BMP3: variants seen among roughly 807,000 people sequenced by gnomAD.
The protein encoded by BMP3 is bone morphogenetic protein 3 (osteogenic).
Under a neutral mutation model 38.1 loss-of-function variants are expected in BMP3, and 23 were observed. The ratio of observed to expected loss-of-function variants is 0.60; its 90% CI spans 0.43 to 0.86. The LOEUF (loss-of-function observed/expected upper bound fraction) is 0.86, where lower values mean the gene tolerates loss of function less well. BMP3 is among the 40% of genes least tolerant of loss of function. The pLI is 0.00. For missense variants in BMP3, 628 were observed against 579.6 expected (o/e 1.08, Z -0.86); for synonymous variants, 258 against 225.7 (o/e 1.14, Z -1.28).
Position 81,045,851 on chromosome 4 carries a change from C to T in BMP3, c.430C>T (p.Leu144=). Residue 144 remains leucine, a synonymous_variant, in exon 2 of 3, where the codon CTG becomes TTG. Transcript: ENST00000282701. ...FCIGELGNIS[L]SCPVSGGCSH... Reference sequence around the variant, plus strand: ...TATTGGAGAGCTAGGAAACATCAGCCTGAGTTGTCCAGTGTCTGGAGGATG... The same window carrying T: ...TATTGGAGAGCTAGGAAACATCAGCTTGAGTTGTCCAGTGTCTGGAGGATG... 6.2e-7 allele frequency: 1 copy of T among 1,614,122 alleles called. No individual in the cohort carries two copies. The highest frequency in any genetic ancestry group is 8.5e-7 in the Non-Finnish European group (1 of 1,180,010).
intron 1 of BMP3, among the ~76,000 whole-genome samples, chr4:81,036,908 CT>C (rs1254058727): frequency 2.6e-5 from 4 of 151,972 alleles, no homozygotes; most frequent in Non-Finnish European, 1.5e-5. Flanking sequence ...ATGAATTCCT[CT>C]TTGTTTATCT....
Position 81,031,511 on chromosome 4 carries a change from C to G in BMP3, c.227C>G (p.Pro76Arg). 1 of 1,612,764 alleles carries G rather than the reference C, an allele frequency of 6.2e-7. No homozygotes were observed. The highest frequency in any genetic ancestry group is 8.5e-7 in the Non-Finnish European group (1 of 1,179,628). The change falls in exon 1 of 3, where the codon CCG (proline) becomes CGG (arginine). Residue 76 changes from proline (P) to arginine (R), a missense_variant. Coordinates refer to ENST00000282701, the MANE Select transcript of BMP3 (RefSeq NM_001201.5). ...AGCACGGTCCAGGCGGCCCGGACAC[C>G]GGGCTCCCTGGAGGGAGGCTCGCAG... ...RYSTVQAART[P>R]GSLEGGSQPW...
chr4:81,053,306 C>T, intron 2 of BMP3, 39 bp from the exon 3 acceptor site: 1 of 1,436,214 alleles, frequency 7.0e-7, no homozygotes, highest in Admixed American at 2.6e-5. Context: ...AACGCAGTTC[C>T]ACCTAACATA....
chr4:81,046,951 T>C (rs1297793554), intron 2 of BMP3, among the ~76,000 whole-genome samples: 1 of 152,216 alleles, frequency 6.6e-6, no homozygotes, highest in Non-Finnish European at 1.5e-5. Flanking sequence ...TTCAGCCACA[T>C]GGTTGTGTGT....
At position 81,053,386 on chromosome 4, in the gene BMP3, G is replaced by A; in HGVS notation, c.1269G>A (p.Val423=). The A allele has an allele frequency of 6.2e-7, 1 of 1,607,334 alleles. No individual in the cohort carries two copies. The highest frequency in any genetic ancestry group is 8.5e-7 in the Non-Finnish European group (1 of 1,177,586). Residue 423 remains valine, a synonymous_variant, in exon 3 of 3, where the codon GTG becomes GTA. Coordinates refer to ENST00000282701, the MANE Select transcript of BMP3 (RefSeq NM_001201.5). ...ATCATGCTACCATCCAGAGTATAGT[G>A]AGAGCTGTGGGGGTCGTTCCTGGGA... ...PSNHATIQSI[V]RAVGVVPGIP... is the part of the protein sequence containing the mutation.
rs184199186 is a variant in BMP3, at chr4:81,050,723, A to G, written c.1228-2622A>G. On this transcript the variant is annotated intron_variant, in intron 2 of 2. Transcript: ENST00000282701. ...TAAAAATGAACTCCAAAAACATTAA[A>G]TCTTGATGTGCTAAGTTACTTAAGC... Among the ~76,000 whole-genome samples the G allele has an allele frequency of 1.9e-3, 290 of 152,264 alleles. 1 individual carries two copies. Among genetic ancestry groups the G allele is most frequent in the African/African-American group, 6.6e-3 (274 of 41,576 alleles).
In BMP3 at chr4:81,046,092, A is replaced by C. The variant is rs1219083355; in HGVS notation, c.671A>C (p.Lys224Thr). Reference protein sequence around the residue: ...EFLIGFNITSKGRQLPKRRLP... With the variant: ...EFLIGFNITSTGRQLPKRRLP... Reference sequence around the variant, plus strand: ...CTCATAGGATTTAACATTACGTCCAAGGGACGCCAGCTGCCAAAGAGGAGG... The same window carrying C: ...CTCATAGGATTTAACATTACGTCCACGGGACGCCAGCTGCCAAAGAGGAGG... The change falls in exon 2 of 3, where the codon AAG becomes ACG. Residue 224 changes from lysine to threonine, a missense_variant. Physicochemically the swap from Lys to Thr is moderately conservative, Grantham distance 78 (BLOSUM62 -1). Transcript: ENST00000282701. The C allele has an allele frequency of 1.2e-6, 2 of 1,614,068 alleles. No individual in the cohort carries two copies. Among genetic ancestry groups the C allele is most frequent in the Admixed American group, 3.3e-5 (2 of 59,984 alleles).
At chr4:81,032,546 T>A (rs1165367002) in intron 1 of BMP3, among the ~76,000 whole-genome samples, 1 of 152,234 alleles carries the variant, frequency 6.6e-6, no homozygotes, top group Non-Finnish European at 1.5e-5. Context: ...CCAGGCTTTT[T>A]TGTTCACTAC....
chr4:81,057,322 T>C lies in BMP3; in HGVS notation c.*3786T>C, dbSNP rs1013275198. 15 of 152,038 alleles carry C rather than the reference T, an allele frequency of 9.9e-5. No homozygotes were observed. Among genetic ancestry groups the C allele is most frequent in the Non-Finnish European group, 1.9e-4 (13 of 67,958 alleles). The allele number at this position is 152,038 out of a possible 1,614,324, so 9.4% of individuals were successfully genotyped here. A position where few individuals can be genotyped will look rare whatever the true frequency, so the allele number is the denominator to read the frequency against. ...TTTTCATCCTTAATTATGATAATAC[T>C]TTTAGCAAGAAAAATTCCTTTTTAC... On this transcript the variant is annotated 3_prime_UTR_variant, in exon 3 of 3. Transcript: ENST00000282701.
chr4:81,035,782 T>G (rs1739906810), intron 1 of BMP3, among the ~76,000 whole-genome samples: 1 of 152,014 alleles, frequency 6.6e-6, no homozygotes, highest in Non-Finnish European at 1.5e-5. Flanking sequence ...ATGGTCAAAC[T>G]TGGAAAACGT....
intron 2 of BMP3, among the ~76,000 whole-genome samples, chr4:81,047,649 T>C (rs560817328): frequency 2.0e-5 from 3 of 152,194 alleles, no homozygotes; most frequent in African/African-American, 7.2e-5. Context: ...TGTATGATAA[T>C]GAAGAAAAAA....
intron 1 of BMP3, among the ~76,000 whole-genome samples, chr4:81,044,966 C>T (rs554262441): frequency 2.6e-5 from 4 of 152,206 alleles, no homozygotes; most frequent in South Asian, 4.1e-4. Context: ...AATTCTTTGG[C>T]GTGTATACAT....
At position 81,031,450 on chromosome 4, in the gene BMP3, G is replaced by A; in HGVS notation, c.166G>A (p.Val56Ile). 1 of 1,613,708 alleles carries A rather than the reference G, an allele frequency of 6.2e-7. No homozygotes were observed. The highest frequency in any genetic ancestry group is 8.5e-7 in the Non-Finnish European group (1 of 1,179,796). Residue 56 changes from valine to isoleucine, a missense_variant, in exon 1 of 3, where the codon GTC becomes ATC. Physicochemically the swap from Val to Ile is conservative, Grantham distance 29. Coordinates refer to ENST00000282701, the MANE Select transcript of BMP3 (RefSeq NM_001201.5). ...PDSELQPQDKVSEHMLRLYDR... is the reference protein window; with the variant it reads ...PDSELQPQDKISEHMLRLYDR... ...CTCCGAGCTGCAGCCGCAAGACAAG[G>A]TCTCTGAACACATGCTGCGGCTCTA...
chr4:81,037,191 A>G (rs1378287539), intron 1 of BMP3, among the ~76,000 whole-genome samples: 1 of 152,044 alleles, frequency 6.6e-6, no homozygotes, highest in Non-Finnish European at 1.5e-5. Context: ...TAAAAATATA[A>G]GGTTGTTTGT....
At chr4:81,036,265 T>C (rs190518974) in intron 1 of BMP3, among the ~76,000 whole-genome samples, 2 of 152,144 alleles carry the variant, frequency 1.3e-5, no homozygotes, top group East Asian at 3.9e-4. Flanking sequence ...TCACCATTAC[T>C]ACCTTGATGA....
rs1046309158 is a variant in BMP3, at chr4:81,045,815, C to T, written c.394C>T (p.Leu132=). ...GTCTGAAAACATTTTGTCTGCCACACTGTATTTCTGTATTGGAGAGCTAGG... is the reference window on the plus strand; with the variant it reads ...GTCTGAAAACATTTTGTCTGCCACATTGTATTTCTGTATTGGAGAGCTAGG... ...TKSENILSAT[L]YFCIGELGNI... The change falls in exon 2 of 3, where the codon CTG becomes TTG. Residue 132 remains leucine (L), a synonymous_variant. Transcript: ENST00000282701. The T allele has an allele frequency of 1.2e-6, 2 of 1,613,924 alleles. No homozygotes were observed. Among genetic ancestry groups the T allele is most frequent in the Non-Finnish European group, 1.7e-6 (2 of 1,179,984 alleles).
intron 1 of BMP3, among the ~76,000 whole-genome samples, chr4:81,034,414 T>A (rs1320272832): frequency 6.6e-6 from 1 of 152,202 alleles, no homozygotes; most frequent in Non-Finnish European, 1.5e-5. Flanking sequence ...GATTTTGGTT[T>A]AAGTTGTCTC....
intron 1 of BMP3, 75 bp downstream of exon 1, chr4:81,031,675 G>C: frequency 6.9e-7 from 1 of 1,450,066 alleles, no homozygotes; most frequent in Non-Finnish European, 9.1e-7. Flanking sequence ...CAGCTTCCTT[G>C]TCTGCCCCTT....
Position 81,055,420 on chromosome 4 carries a change from A to G in BMP3, c.*1884A>G, listed in dbSNP as rs938740518. The stretch of plus-strand genomic sequence containing the variant: ...AAAATGAGTGAAGTTCTGGTGCCTG[A>G]GTTACCATGCTTTCTTCTAGTTCTT... On this transcript the variant is annotated 3_prime_UTR_variant, in exon 3 of 3. Transcript: ENST00000282701. 3.9e-5 allele frequency: 6 copies of G among 152,204 alleles called. No homozygotes were observed. The highest frequency in any genetic ancestry group is 1.4e-4 in the African/African-American group (6 of 41,456). 9.4% of individuals were successfully genotyped at this position (152,204 alleles called of 1,614,324 possible). A position where few individuals can be genotyped will look rare whatever the true frequency, so the allele number is the denominator to read the frequency against.
Sources: allele counts gnomAD v4.1 joint callset (sites outside exome capture counted in the v4.1 genomes callset), GRCh38; gene constraint gnomAD v4.1.1; transcripts MANE v1.5; gene names NCBI Gene and HGNC (gene_info 2026-07-23, HGNC 2026-07-21).